C10orf67: variants seen among roughly 807,000 people sequenced by gnomAD.
C10orf67 encodes the protein chromosome 10 open reading frame 67.
Under a neutral mutation model 35.6 loss-of-function variants are expected in C10orf67, and 60 were observed. That is an observed-to-expected ratio of 1.68 (90% CI 1.37 to 2.09). The LOEUF (loss-of-function observed/expected upper bound fraction) is 2.09. Ranked by LOEUF, C10orf67 falls within the 30% of genes most tolerant of loss-of-function variation. The pLI is 0.00. For missense variants in C10orf67, 474 were observed against 330.2 expected (o/e 1.44, Z -3.38); for synonymous variants, 167 against 115.8 (o/e 1.44, Z -2.84).
At chr10:23,225,109 C>A (rs1420161319) in intron 13 of C10orf67, among the ~76,000 whole-genome samples, 1 of 152,166 alleles carries the variant, frequency 6.6e-6, no homozygotes, top group Non-Finnish European at 1.5e-5. Context: ...ATGTTAAGGG[C>A]AGTCAGAGAG....
At chr10:23,212,778 T>TGAGAGA (rs58972226) in intron 15 of C10orf67, among the ~76,000 whole-genome samples, 5,619 of 100,932 alleles carry the variant, frequency 0.056, 305 homozygotes, top group Non-Finnish European at 0.061. Context: ...AATATTGTAT[T>TGAGAGA]GAGAGAGAGA....
intron 1 of C10orf67, among the ~76,000 whole-genome samples, chr10:23,338,273 A>G (rs914117762): frequency 1.3e-4 from 20 of 152,298 alleles, no homozygotes; most frequent in African/African-American, 3.6e-4. Flanking sequence ...CAAAATGGCC[A>G]TGGTGTCAGG....
At chr10:23,248,443 G>C (rs374766522) in intron 12 of C10orf67, among the ~76,000 whole-genome samples, 1 of 152,104 alleles carries the variant, frequency 6.6e-6, no homozygotes, top group South Asian at 2.1e-4. Context: ...ATAAGAACTC[G>C]GCAGAGATGG....
chr10:23,265,623 A>T (rs908354109), intron 10 of C10orf67, among the ~76,000 whole-genome samples: 2 of 152,230 alleles, frequency 1.3e-5, no homozygotes, highest in African/African-American at 4.8e-5. Flanking sequence ...GGCTGTAGAG[A>T]TACAGGCTCA....
chr10:23,206,428 A>G (rs757582396), intron 15 of C10orf67, among the ~76,000 whole-genome samples: 6 of 152,244 alleles, frequency 3.9e-5, no homozygotes, highest in Non-Finnish European at 7.3e-5. Flanking sequence ...TTGTATGTAT[A>G]TATATGCACA....
intron 8 of C10orf67, among the ~76,000 whole-genome samples, chr10:23,274,639 T>C (rs534275917): frequency 6.6e-6 from 1 of 152,290 alleles, no homozygotes; most frequent in African/African-American, 2.4e-5. Flanking sequence ...ACTGTTATCC[T>C]GTTCTTTTTC....
downstream of C10orf67, chr10:23,202,684 A>G (rs1033698964): frequency 3.3e-5 from 5 of 152,218 alleles, no homozygotes; most frequent in African/African-American, 9.6e-5. Flanking sequence ...GAAATTTCCA[A>G]TACATCCAGG....
At chr10:23,292,008 T>A (rs1409245400) in intron 5 of C10orf67, among the ~76,000 whole-genome samples, 2 of 152,174 alleles carry the variant, frequency 1.3e-5, no homozygotes, top group Admixed American at 6.5e-5. Context: ...GGTTTCAGGA[T>A]AACTTACAAC....
intron 10 of C10orf67, among the ~76,000 whole-genome samples, chr10:23,260,632 A>T (rs769204399): frequency 6.6e-5 from 10 of 152,206 alleles, no homozygotes; most frequent in Non-Finnish European, 8.8e-5. Context: ...TCATGGACAG[A>T]TATGAGTTTT....
At chr10:23,282,641 A>C (rs1588648954) in intron 7 of C10orf67, among the ~76,000 whole-genome samples, 1 of 151,598 alleles carries the variant, frequency 6.6e-6, no homozygotes. Context: ...GACCAGCCTG[A>C]CCCACATGGT....
At chr10:23,246,743 T>C (rs946240406) in intron 12 of C10orf67, among the ~76,000 whole-genome samples, 2 of 152,150 alleles carry the variant, frequency 1.3e-5, no homozygotes, top group African/African-American at 2.4e-5. Flanking sequence ...TATCTTAGTT[T>C]TTAACAAGAA....
intron 1 of C10orf67, chr10:23,343,835 G>A (rs1846018029): frequency 2.2e-6 from 1 of 446,116 alleles, no homozygotes; most frequent in African/African-American, 2.1e-5. Flanking sequence ...GGCCTGGAAA[G>A]GCGTTGAGCG....
In C10orf67 at chr10:23,243,529, G is replaced by GA. The variant is rs1334615495; in HGVS notation, c.1347-3714dup. Among the ~76,000 whole-genome samples the GA allele has an allele frequency of 7.3e-5, 11 of 150,960 alleles. No homozygotes were observed. In the East Asian group the frequency reaches 2.0e-3, roughly 27 times the overall value. Reference sequence around the variant, plus strand: ...AGAAATCCCGTCTCTACTAAAAATAGAAAAAAAATTAGCCAGGCATGGTGG... The same window carrying GA: ...AGAAATCCCGTCTCTACTAAAAATAGAAAAAAAAATTAGCCAGGCATGGTGG... On this transcript the variant is annotated intron_variant, in intron 12 of 15. Coordinates refer to ENST00000636213, the MANE Select transcript of C10orf67 (RefSeq NM_001371909.1).
At chr10:23,283,434 C>A (rs1048059882) in intron 7 of C10orf67, among the ~76,000 whole-genome samples, 1 of 152,152 alleles carries the variant, frequency 6.6e-6, no homozygotes, top group African/African-American at 2.4e-5. Flanking sequence ...TATTGTTTCC[C>A]TGGCTTATCC....
In C10orf67 at chr10:23,214,710, C is replaced by T. The variant is rs116787709; in HGVS notation, c.1570+8888G>A. On this transcript the variant is annotated intron_variant, in intron 15 of 15. Transcript: ENST00000636213. ...TTTGACAGGATTAAGAACAAACAAA[C>T]GGTAAATATATAAAACAACATCAGG... Among the ~76,000 whole-genome samples the T allele has an allele frequency of 4.3e-3, 648 of 152,036 alleles. 1 individual carries two copies. Among genetic ancestry groups the T allele is most frequent in the African/African-American group, 0.015 (604 of 41,488 alleles).
At chr10:23,237,709 G>A (rs6482260) in intron 13 of C10orf67, among the ~76,000 whole-genome samples, 59,022 of 152,040 alleles carry the variant, frequency 0.39, 14,419 homozygotes, top group East Asian at 0.72. Context: ...GAGTCCATCT[G>A]CATAAATTTA....
At chr10:23,212,441 G>T (rs1025447877) in intron 15 of C10orf67, among the ~76,000 whole-genome samples, 2 of 152,174 alleles carry the variant, frequency 1.3e-5, no homozygotes, top group African/African-American at 4.8e-5. Context: ...CTCATATTTG[G>T]TAACAGAAGC....
At chr10:23,329,675 T>C (rs1845355276) in intron 2 of C10orf67, among the ~76,000 whole-genome samples, 1 of 151,456 alleles carries the variant, frequency 6.6e-6, no homozygotes, top group Non-Finnish European at 1.5e-5. Context: ...TGGTGCACTC[T>C]TGTAATCCCA....
chr10:23,233,645 G>A (rs1037283920), intron 13 of C10orf67, among the ~76,000 whole-genome samples: 6 of 152,182 alleles, frequency 3.9e-5, no homozygotes, highest in African/African-American at 1.4e-4. Context: ...TAATCATGAT[G>A]TGGTTCTCTA....
Sources: allele counts gnomAD v4.1 joint callset (sites outside exome capture counted in the v4.1 genomes callset), GRCh38; gene constraint gnomAD v4.1.1; transcripts MANE v1.5; gene names NCBI Gene and HGNC (gene_info 2026-07-23, HGNC 2026-07-21).